Variants in NRXN1 observed in about 807,000 individuals in gnomAD.
The protein encoded by NRXN1 is neurexin 1.
Under a neutral mutation model 150.9 loss-of-function variants are expected in NRXN1, and 39 were observed. The ratio of observed to expected loss-of-function variants is 0.26; its 90% CI spans 0.20 to 0.34. The LOEUF is 0.34. Among genes scored for constraint, NRXN1 ranks in the 10% least tolerant of loss-of-function variants. The pLI is 1.00. For missense variants in NRXN1, 1,815 were observed against 1,949.9 expected, an observed-to-expected ratio of 0.93 and a Z score of 1.30; for synonymous variants, 924 against 757.0, an observed-to-expected ratio of 1.22 and a Z score of -3.62.
chr2:50,620,958 G>T (rs960257275), intron 7 of NRXN1: 2 of 411,608 alleles, frequency 4.9e-6, no homozygotes, highest in African/African-American at 2.1e-5. Flanking sequence ...GTCTTATCCC[G>T]TGTTAACCAC....
intron 18 of NRXN1, among the ~76,000 whole-genome samples, chr2:50,104,577 C>T (rs141535076): frequency 1.0e-3 from 154 of 152,114 alleles, no homozygotes; most frequent in African/African-American, 3.5e-3. Context: ...TGATGATAGC[C>T]ATCCTTCTTG....
chr2:49,960,192 C>G (rs111934285), intron 21 of NRXN1, among the ~76,000 whole-genome samples: 2,051 of 152,282 alleles, frequency 0.013, 25 homozygotes, highest in Non-Finnish European at 0.02. Context: ...TCTTAGCTTT[C>G]AAGCATTCAA....
At chr2:50,431,836 T>A (rs1366661073) in intron 17 of NRXN1, among the ~76,000 whole-genome samples, 2 of 152,152 alleles carry the variant, frequency 1.3e-5, no homozygotes, top group African/African-American at 4.8e-5. Context: ...TCTCAACTTT[T>A]TTTTTTCTTT....
Position 49,950,992 on chromosome 2 carries a change from A to T in NRXN1, c.4129-7201T>A, listed in dbSNP as rs777268467. ...TTGAAAGCCATTCAATTTTCTTCGA[A>T]TTTTTTTCAGCTGTTTAAAAAGTAT... On this transcript the variant is annotated intron_variant, in intron 21 of 22. Coordinates refer to ENST00000401669, the MANE Select transcript of NRXN1 (RefSeq NM_001330078.2). Among the ~76,000 whole-genome samples, 280 of 151,954 alleles carry T rather than the reference A, an allele frequency of 1.8e-3. 2 individuals are homozygous for T. The highest frequency in any genetic ancestry group is 2.7e-3 in the Non-Finnish European group (181 of 67,842).
intron 18 of NRXN1, among the ~76,000 whole-genome samples, chr2:50,211,575 C>A (rs1490975357): frequency 1.3e-5 from 2 of 151,272 alleles, no homozygotes; most frequent in Non-Finnish European, 3.0e-5. Flanking sequence ...ATTCAATAAT[C>A]AAATATTTTC....
intron 18 of NRXN1, among the ~76,000 whole-genome samples, chr2:50,162,937 T>TATA (rs1188178157): frequency 6.6e-6 from 1 of 151,922 alleles, no homozygotes; most frequent in East Asian, 1.9e-4. Context: ...CACAACTTAC[T>TATA]ATAACTGCTT....
At position 50,472,307 on chromosome 2, in the gene NRXN1, C is replaced by G; in HGVS notation, c.3235G>C (p.Gly1079Arg). 6.3e-7 allele frequency: 1 copy of G among 1,584,084 alleles called. No homozygotes were observed. The highest frequency in any genetic ancestry group is 8.6e-7 in the Non-Finnish European group (1 of 1,164,204). The change falls in exon 16 of 23, where the codon GGA becomes CGA. Residue 1079 changes from glycine to arginine, a missense_variant. This residue lies in a region of NRXN1 where 339 missense variants were observed against 440.3 expected (regional missense o/e 0.77). Transcript: ENST00000401669. ...ALFCNGQIER[G>R]CEGPSTTCQE... is the part of the protein sequence containing the mutation. ...GACAAAAATCTAATACCTTCACATCCTCTCTCGATCTGTCCGTTGCAGAAA... is the reference window on the plus strand; with the variant it reads ...GACAAAAATCTAATACCTTCACATCGTCTCTCGATCTGTCCGTTGCAGAAA...
intron 17 of NRXN1, among the ~76,000 whole-genome samples, chr2:50,320,661 G>A (rs950826080): frequency 5.3e-5 from 8 of 151,734 alleles, no homozygotes; most frequent in Admixed American, 2.0e-4. Context: ...CAGAGGGGAA[G>A]GAGGAGGGTA....
chr2:50,400,248 T>C (rs1037626337), intron 17 of NRXN1, among the ~76,000 whole-genome samples: 2 of 152,146 alleles, frequency 1.3e-5, no homozygotes, highest in Non-Finnish European at 2.9e-5. Flanking sequence ...ATATTTCCCA[T>C]ATTCCAATAT....
intron 3 of NRXN1, among the ~76,000 whole-genome samples, chr2:50,925,663 T>C (rs1686752816): frequency 6.6e-6 from 1 of 151,954 alleles, no homozygotes; most frequent in Non-Finnish European, 1.5e-5. Flanking sequence ...ATTGTTATCA[T>C]TTTTCTCATA....
At chr2:50,318,376 C>T (rs1400973066) in intron 17 of NRXN1, among the ~76,000 whole-genome samples, 1 of 152,090 alleles carries the variant, frequency 6.6e-6, no homozygotes, top group Non-Finnish European at 1.5e-5. Context: ...AGTAATTTTA[C>T]TAGGAACGTT....
chr2:50,940,603 T>G (rs974121195), intron 2 of NRXN1, among the ~76,000 whole-genome samples: 8 of 152,130 alleles, frequency 5.3e-5, no homozygotes, highest in African/African-American at 1.9e-4. Flanking sequence ...CTAAACTACT[T>G]AAGAAGCAGA....
At chr2:50,590,111 G>C (rs1335118607) in intron 8 of NRXN1, among the ~76,000 whole-genome samples, 1 of 152,158 alleles carries the variant, frequency 6.6e-6, no homozygotes, top group Non-Finnish European at 1.5e-5. Context: ...CAATATGTAA[G>C]TTTTAAAACA....
intron 12 of NRXN1, among the ~76,000 whole-genome samples, chr2:50,520,840 C>A (rs986137106): frequency 8.6e-5 from 13 of 151,966 alleles, no homozygotes; most frequent in African/African-American, 2.9e-4. Flanking sequence ...ATATGTCTGA[C>A]TACTAAGAGA....
At chr2:50,258,778 C>T (rs917756076) in intron 17 of NRXN1, among the ~76,000 whole-genome samples, 3 of 151,966 alleles carry the variant, frequency 2.0e-5, no homozygotes, top group South Asian at 2.1e-4. Context: ...GTTGAAATTA[C>T]TCCTTCCTTG....
intron 5 of NRXN1, among the ~76,000 whole-genome samples, chr2:50,809,005 A>T (rs547672765): frequency 6.6e-6 from 1 of 152,214 alleles, no homozygotes; most frequent in Admixed American, 6.5e-5. Context: ...GAAAATTCAT[A>T]ATGTCTCTGG....
chr2:50,408,895 C>A (rs1265849945), intron 17 of NRXN1, among the ~76,000 whole-genome samples: 1 of 144,460 alleles, frequency 6.9e-6, no homozygotes, highest in Non-Finnish European at 1.5e-5. Context: ...TGCTCTAAAT[C>A]TGACTGCACC....
intron 5 of NRXN1, among the ~76,000 whole-genome samples, chr2:50,677,083 C>T (rs1455492607): frequency 6.6e-6 from 1 of 152,108 alleles, no homozygotes; most frequent in Non-Finnish European, 1.5e-5. Context: ...CTATATAAGC[C>T]ACAAAGGGGC....
At chr2:50,044,660 T>A (rs1691525529) in intron 21 of NRXN1, among the ~76,000 whole-genome samples, 1 of 152,194 alleles carries the variant, frequency 6.6e-6, no homozygotes, top group Admixed American at 6.6e-5. Flanking sequence ...ACAAAAGCTT[T>A]GCTATTGTTG....
Sources: gnomAD v4.1 joint callset for allele counts (sites outside exome capture counted in the v4.1 genomes callset) on GRCh38, gnomAD v4.1.1 for gene constraint, gnomAD v4.1.1 regional missense constraint, MANE v1.5 for transcripts, NCBI Gene and HGNC (gene_info 2026-07-23, HGNC 2026-07-21) for gene names.